The following ZDHHC14 variants were observed in gnomAD, a reference collection of about 807,000 sequenced individuals.
The protein encoded by ZDHHC14 is palmitoyltransferase ZDHHC14.
Under a neutral mutation model 47.7 loss-of-function variants are expected in ZDHHC14, and 16 were observed. That is an observed-to-expected ratio of 0.34 (90% confidence interval 0.23 to 0.51). The LOEUF (loss-of-function observed/expected upper bound fraction) is 0.51, where lower values mean the gene tolerates loss of function less well. ZDHHC14 is among the 20% of genes least tolerant of loss of function. The pLI is 0.97. For missense variants in ZDHHC14, 515 were observed against 662.5 expected, an observed-to-expected ratio of 0.78 and a Z score of 2.44; for synonymous variants, 293 against 278.9, an observed-to-expected ratio of 1.05 and a Z score of -0.50.
intron 1 of ZDHHC14, among the ~76,000 whole-genome samples, chr6:157,407,521 A>C (rs1777788225): frequency 6.6e-6 from 1 of 152,232 alleles, no homozygotes; most frequent in Admixed American, 6.5e-5. Context: ...TAGTCTTCCC[A>C]TTAGCAAATA....
intron 1 of ZDHHC14, among the ~76,000 whole-genome samples, chr6:157,446,262 T>C (rs1430835789): frequency 6.6e-6 from 1 of 152,198 alleles, no homozygotes; most frequent in Non-Finnish European, 1.5e-5. Flanking sequence ...CTCAGCTCTT[T>C]GTAGTTGCCA....
chr6:157,545,043 A>G (rs755787810), intron 2 of ZDHHC14, among the ~76,000 whole-genome samples: 6 of 152,246 alleles, frequency 3.9e-5, no homozygotes, highest in Non-Finnish European at 5.9e-5. Context: ...AAAAGTATTG[A>G]TACAGGCTAC....
chr6:157,655,417 C>T (rs1388800396), intron 8 of ZDHHC14, among the ~76,000 whole-genome samples: 2 of 152,228 alleles, frequency 1.3e-5, no homozygotes, highest in Non-Finnish European at 2.9e-5. Flanking sequence ...CCAGTGCCCA[C>T]GTTCACTTCT....
chr6:157,605,450 G>A (rs1353872588), intron 3 of ZDHHC14, among the ~76,000 whole-genome samples: 2 of 152,076 alleles, frequency 1.3e-5, no homozygotes, highest in African/African-American at 4.8e-5. Flanking sequence ...CTTTATTTAT[G>A]TATGGATTCT....
At chr6:157,441,124 C>T (rs1360914335) in intron 1 of ZDHHC14, among the ~76,000 whole-genome samples, 3 of 152,128 alleles carry the variant, frequency 2.0e-5, no homozygotes, top group African/African-American at 7.2e-5. Flanking sequence ...AAGTGAGCCA[C>T]TAGTGAGAGT....
At chr6:157,467,858 A>C (rs1046858982) in intron 1 of ZDHHC14, among the ~76,000 whole-genome samples, 3 of 152,134 alleles carry the variant, frequency 2.0e-5, no homozygotes, top group Non-Finnish European at 4.4e-5. Context: ...TGGCGGTATA[A>C]TATTCTGTTG....
At chr6:157,526,922 G>T (rs1341681683) in intron 1 of ZDHHC14, among the ~76,000 whole-genome samples, 1 of 152,192 alleles carries the variant, frequency 6.6e-6, no homozygotes, top group Non-Finnish European at 1.5e-5. Flanking sequence ...GGGGAGAGGG[G>T]CCGGGGCAGT....
chr6:157,382,379 TATA>T (rs1183898604), intron 1 of ZDHHC14, 113 bp downstream of exon 1: 1 of 1,277,010 alleles, frequency 7.8e-7, no homozygotes, highest in African/African-American at 1.5e-5. Context: ...TAAATTGTTA[TATA>T]ATGCCAGTCT....
intron 1 of ZDHHC14, among the ~76,000 whole-genome samples, chr6:157,488,119 C>T (rs1779827585): frequency 6.6e-6 from 1 of 152,226 alleles, no homozygotes; most frequent in Non-Finnish European, 1.5e-5. Flanking sequence ...CACCCACATT[C>T]CGGGAGGCCT....
chr6:157,666,491 A>C (rs1157280620), intron 8 of ZDHHC14, among the ~76,000 whole-genome samples: 1 of 152,216 alleles, frequency 6.6e-6, no homozygotes, highest in African/African-American at 2.4e-5. Context: ...TCCAACCTGC[A>C]CCTGCATTTT....
At chr6:157,604,286 T>TA (rs201921035) in intron 3 of ZDHHC14, among the ~76,000 whole-genome samples, 2,808 of 140,500 alleles carry the variant, frequency 0.02, 82 homozygotes, top group African/African-American at 0.067. Flanking sequence ...AAGCCTGTCT[T>TA]AAAAAAAAAA....
chr6:157,577,600 A>G (rs1260396767), intron 2 of ZDHHC14, among the ~76,000 whole-genome samples: 1 of 152,106 alleles, frequency 6.6e-6, no homozygotes, highest in African/African-American at 2.4e-5. Flanking sequence ...CCTAGGCTGG[A>G]GCTCAATGGC....
chr6:157,551,555 G>A (rs142644391), intron 2 of ZDHHC14, among the ~76,000 whole-genome samples: 3 of 152,194 alleles, frequency 2.0e-5, no homozygotes, highest in Non-Finnish European at 4.4e-5. Context: ...TAGAAATGCA[G>A]ACTCTTGGGC....
chr6:157,457,817 A>G (rs1778963913), intron 1 of ZDHHC14, among the ~76,000 whole-genome samples: 2 of 152,118 alleles, frequency 1.3e-5, no homozygotes, highest in Non-Finnish European at 2.9e-5. Flanking sequence ...TGCGCCCTCA[A>G]CCAAATGCAG....
At chr6:157,481,158 C>T (rs1779620393) in intron 1 of ZDHHC14, among the ~76,000 whole-genome samples, 1 of 152,178 alleles carries the variant, frequency 6.6e-6, no homozygotes, top group African/African-American at 2.4e-5. Flanking sequence ...TGCTTCCTCA[C>T]TCCCACTCAT....
chr6:157,459,554 T>C (rs1416119271), intron 1 of ZDHHC14, among the ~76,000 whole-genome samples: 1 of 152,054 alleles, frequency 6.6e-6, no homozygotes, highest in Non-Finnish European at 1.5e-5. Context: ...GCCTGTAAAC[T>C]GATAAGGGAA....
chr6:157,507,483 T>C (rs775198670), intron 1 of ZDHHC14, among the ~76,000 whole-genome samples: 1 of 152,152 alleles, frequency 6.6e-6, no homozygotes, highest in Non-Finnish European at 1.5e-5. Flanking sequence ...AGTTTTGCCA[T>C]GTTGGCTACA....
At chr6:157,501,241 T>A (rs1216314615) in intron 1 of ZDHHC14, among the ~76,000 whole-genome samples, 1 of 152,236 alleles carries the variant, frequency 6.6e-6, no homozygotes, top group Admixed American at 6.5e-5. Context: ...TTCCTCCAAG[T>A]CTGTTTATCA....
At position 157,460,071 on chromosome 6, in the gene ZDHHC14, A is replaced by AAG. The variant is rs1779036087; in HGVS notation, c.245+77806_245+77807insGA. Among the ~76,000 whole-genome samples, 3 of 151,128 alleles carry AAG rather than the reference A, an allele frequency of 2.0e-5. No individual in the cohort carries two copies. The South Asian group carries it at 6.3e-4, about 32-fold the overall frequency. ...TACTAAAAATACAAAAAAAAAAAAA[A>AAG]AAAAATAGCCAGGTCTAGCTACTTG... On this transcript the variant is annotated intron_variant, in intron 1 of 8. Coordinates refer to ENST00000359775, the MANE Select transcript of ZDHHC14 (RefSeq NM_024630.3).
Sources: gnomAD v4.1 joint callset for allele counts (sites outside exome capture counted in the v4.1 genomes callset) on GRCh38, gnomAD v4.1.1 for gene constraint, MANE v1.5 for transcripts, NCBI Gene and HGNC (gene_info 2026-07-23, HGNC 2026-07-21) for gene names.